Variants in URAD observed in about 807,000 individuals in gnomAD.
URAD encodes putative 2-oxo-4-hydroxy-4-carboxy-5-ureidoimidazoline decarboxylase.
In URAD, 4 loss-of-function variants were observed where a neutral mutation model predicts 4.6. That is an observed-to-expected ratio of 0.87 (90% confidence interval 0.43 to 1.98). The LOEUF (loss-of-function observed/expected upper bound fraction) is 1.98, where lower values mean the gene tolerates loss of function less well. URAD is among the 30% of genes most tolerant of loss of function. The pLI is 0.03. For synonymous variants in URAD, 144 were observed against 118.2 expected (o/e 1.22, Z -1.41); for missense variants, 300 against 255.3 (o/e 1.18, Z -1.19).
At chr13:27,986,551 AGAGT>A (rs1870033598) in intron 1 of URAD, among the ~76,000 whole-genome samples, 1 of 152,206 alleles carries the variant, frequency 6.6e-6, no homozygotes, top group Non-Finnish European at 1.5e-5. Context: ...TTCCAGACAC[AGAGT>A]AAGAAAGCCC....
chr13:27,981,694 C>T (rs1354992450), intron 1 of URAD, among the ~76,000 whole-genome samples: 1 of 152,258 alleles, frequency 6.6e-6, no homozygotes, highest in African/African-American at 2.4e-5. Context: ...ACCCCTGGTA[C>T]GATGGACAAT....
At chr13:27,987,105 G>A (rs760132039) in intron 1 of URAD, among the ~76,000 whole-genome samples, 1 of 152,138 alleles carries the variant, frequency 6.6e-6, no homozygotes, top group Admixed American at 6.5e-5. Context: ...TCTGTATGAC[G>A]GTCAGAAGCC....
Position 27,978,186 on chromosome 13 carries a change from G to T in URAD, c.442C>A (p.Arg148Ser). Residue 148 changes from arginine to serine, a missense_variant, in exon 2 of 2, where the codon CGC becomes AGC. Coordinates refer to ENST00000332715, the MANE Select transcript of URAD (RefSeq NM_001105577.2). ...RLLCPSAQEL[R>S]TALGEVKKIG... ...TTCTTCACCTCGCCCAGAGCAGTGC[G>T]CAGCTCCTGCGCGGACGGGCAGAGC... 1 of 1,512,344 alleles carries T rather than the reference G, an allele frequency of 6.6e-7. No homozygotes were observed. The highest frequency in any genetic ancestry group is 1.4e-5 in the African/African-American group (1 of 69,552). The allele number at this position is 1,512,344 out of a possible 1,614,324, so 93.7% of individuals were successfully genotyped here. A position where few individuals can be genotyped will look rare whatever the true frequency, so the allele number is the denominator to read the frequency against.
chr13:27,982,044 G>C (rs778360658), intron 1 of URAD, among the ~76,000 whole-genome samples: 9 of 152,042 alleles, frequency 5.9e-5, no homozygotes, highest in African/African-American at 1.2e-4. Flanking sequence ...ACTCATTAAG[G>C]GCATCTTGCC....
rs774894906 is a variant in URAD at position 27,978,156 on chromosome 13, C to G, written c.472G>C (p.Gly158Arg). The change falls in exon 2 of 2, where the codon GGC becomes CGC. Residue 158 changes from glycine (G) to arginine (R), a missense_variant. Coordinates refer to ENST00000332715, the MANE Select transcript of URAD (RefSeq NM_001105577.2). Reference sequence around the variant, plus strand: ...AGGAGGTCGGCCAGGCGCAGGCTGCCGATCTTCTTCACCTCGCCCAGAGCA... The same window carrying G: ...AGGAGGTCGGCCAGGCGCAGGCTGCGGATCTTCTTCACCTCGCCCAGAGCA... ...RTALGEVKKI[G>R]SLRLADLLRA... The G allele has an allele frequency of 6.5e-6, 10 of 1,534,146 alleles. No homozygotes were observed. The East Asian group carries it at 1.1e-4, about 16-fold the overall frequency.
chr13:27,977,987 G>A lies in URAD; in HGVS notation c.*119C>T. On this transcript the variant is annotated 3_prime_UTR_variant, in exon 2 of 2. Transcript: ENST00000332715. ...ATTGCCTCAATTCTCCACTTCCTTTGTGCACGTGTGTGGACGCTGTTCCAG... is the reference window on the plus strand; with the variant it reads ...ATTGCCTCAATTCTCCACTTCCTTTATGCACGTGTGTGGACGCTGTTCCAG... 1.3e-6 allele frequency: 1 copy of A among 799,822 alleles called. No homozygotes were observed. Among genetic ancestry groups the A allele is most frequent in the Non-Finnish European group, 1.8e-6 (1 of 556,240 alleles). 49.5% of individuals were successfully genotyped at this position (799,822 alleles called of 1,614,324 possible).
At chr13:27,980,792 C>G (rs980221461) in intron 1 of URAD, among the ~76,000 whole-genome samples, 1 of 152,120 alleles carries the variant, frequency 6.6e-6, no homozygotes, top group Non-Finnish European at 1.5e-5. Context: ...GAGCCCCCTT[C>G]TTGCCCTTGG....
intron 1 of URAD, among the ~76,000 whole-genome samples, chr13:27,981,467 G>A (rs1869876713): frequency 6.6e-6 from 1 of 152,146 alleles, no homozygotes; most frequent in South Asian, 2.1e-4. Context: ...CCTAAGCATT[G>A]GTGTGTCACG....
In URAD at chr13:27,978,297, A is replaced by G; in HGVS notation, c.331T>C (p.Tyr111His). 5.0e-6 allele frequency: 7 copies of G among 1,410,420 alleles called. No individual in the cohort carries two copies. The highest frequency in any genetic ancestry group is 3.2e-5 in the Admixed American group (1 of 30,800). 87.4% of individuals were successfully genotyped at this position (1,410,420 alleles called of 1,614,324 possible). ...AAGGGGAAACCGAAGCGCGCGCGGT[A>G]CTGCGCGTTGAGCTCGGCCAGCCGC... ...RLRLAELNAQ[Y>H]RARFGFPFVL... Residue 111 changes from tyrosine (Y) to histidine (H), a missense_variant, in exon 2 of 2, where the codon TAC (tyrosine) becomes CAC (histidine). Transcript: ENST00000332715.
chr13:27,982,553 G>A lies in URAD; in HGVS notation c.176-4101C>T, dbSNP rs1397884475. 2.6e-5 allele frequency among the ~76,000 whole-genome samples: 4 copies of A among 152,096 alleles called. No individual in the cohort carries two copies. In the East Asian group the frequency reaches 7.7e-4, roughly 29 times the overall value. On this transcript the variant is annotated intron_variant, in intron 1 of 1. Coordinates refer to ENST00000332715, the MANE Select transcript of URAD (RefSeq NM_001105577.2). The stretch of plus-strand genomic sequence containing the variant: ...TCATCCCTTTGTTGTTTACACCAAT[G>A]TACTTACTAAGTGCCCTCAGCCAGT...
chr13:27,984,989 A>G (rs1869983743), intron 1 of URAD, among the ~76,000 whole-genome samples: 1 of 152,146 alleles, frequency 6.6e-6, no homozygotes, highest in Non-Finnish European at 1.5e-5. Flanking sequence ...AAAAAAACAA[A>G]CAAACAAAAG....
chr13:27,983,066 C>T (rs1042469210), intron 1 of URAD, among the ~76,000 whole-genome samples: 6 of 152,096 alleles, frequency 3.9e-5, no homozygotes, highest in Admixed American at 6.6e-5. Flanking sequence ...TGACCCATTG[C>T]ACATGGAGAA....
intron 1 of URAD, among the ~76,000 whole-genome samples, chr13:27,987,526 T>C (rs1566043616): frequency 2.0e-5 from 3 of 152,162 alleles, no homozygotes; most frequent in Admixed American, 6.5e-5. Context: ...CCCTTTGTGG[T>C]ACAAAAGTCA....
intron 1 of URAD, among the ~76,000 whole-genome samples, chr13:27,982,226 C>T (rs1020488805): frequency 6.6e-6 from 1 of 152,094 alleles, no homozygotes; most frequent in Non-Finnish European, 1.5e-5. Context: ...GTCAGGAGTT[C>T]GAGACCAGCC....
chr13:27,988,569 C>G lies in URAD; in HGVS notation c.69G>C (p.Glu23Asp). ...EFVDVFGNAT[E>D]RCPLIAAAVW... The stretch of plus-strand genomic sequence containing the variant: ...CAGCAGCTGCAATCAGAGGACATCT[C>G]TCAGTGGCATTCCCAAACACATCCA... The change falls in exon 1 of 2, where the codon GAG becomes GAC. Residue 23 changes from glutamate (E) to aspartate (D), a missense_variant. Transcript: ENST00000332715. 6.2e-7 allele frequency: 1 copy of G among 1,613,948 alleles called. No individual in the cohort carries two copies. Among genetic ancestry groups the G allele is most frequent in the Non-Finnish European group, 8.5e-7 (1 of 1,179,860 alleles).
intron 1 of URAD, among the ~76,000 whole-genome samples, chr13:27,981,335 A>G (rs1869873105): frequency 6.6e-6 from 1 of 152,174 alleles, no homozygotes; most frequent in Admixed American, 6.5e-5. Context: ...CCTTGCCTCC[A>G]GTCCTCAGTG....
chr13:27,982,869 A>T (rs12430141), intron 1 of URAD, among the ~76,000 whole-genome samples: 3,318 of 152,196 alleles, frequency 0.022, 215 homozygotes, highest in Admixed American at 0.14. Flanking sequence ...AAATCCATTT[A>T]AAAAAATCCT....
Position 27,988,443 on chromosome 13 carries a change from G to A in URAD, c.175+20C>T, listed in dbSNP as rs781417316. The A allele has an allele frequency of 1.3e-6, 2 of 1,567,800 alleles. No individual in the cohort carries two copies. Among genetic ancestry groups the A allele is most frequent in the East Asian group, 2.3e-5 (1 of 44,216 alleles). ...TATTTGAAATCCCTTTGCAGAGAAT[G>A]TCTGATACGGAAGCCTTACCTGACT... On this transcript the variant is annotated intron_variant, in intron 1 of 1. Coordinates refer to ENST00000332715, the MANE Select transcript of URAD (RefSeq NM_001105577.2).
At chr13:27,982,868 T>A (rs1196155595) in intron 1 of URAD, among the ~76,000 whole-genome samples, 2 of 152,122 alleles carry the variant, frequency 1.3e-5, no homozygotes, top group Admixed American at 1.3e-4. Context: ...CAAATCCATT[T>A]AAAAAAATCC....
Sources: allele counts gnomAD v4.1 joint callset (sites outside exome capture counted in the v4.1 genomes callset), GRCh38; gene constraint gnomAD v4.1.1; transcripts MANE v1.5; gene names NCBI Gene and HGNC (gene_info 2026-07-23, HGNC 2026-07-21).